The following SLC7A6 variants were observed in gnomAD, a reference collection of about 807,000 sequenced individuals.
The protein encoded by SLC7A6 is solute carrier family 7 member 6.
Under a neutral mutation model 46.6 loss-of-function variants are expected in SLC7A6, and 29 were observed. That is an observed-to-expected ratio of 0.62 (90% CI 0.46 to 0.85). The LOEUF (loss-of-function observed/expected upper bound fraction) is 0.85, where lower values mean the gene tolerates loss of function less well. Among genes scored for constraint, SLC7A6 ranks in the 40% least tolerant of loss-of-function variants. The pLI, the probability that SLC7A6 is intolerant of heterozygous loss-of-function variation, is 0.00. For synonymous variants in SLC7A6, 276 were observed against 257.3 expected (o/e 1.07, Z -0.70); for missense variants, 527 against 647.6 (o/e 0.81, Z 2.02).
intron 3 of SLC7A6, among the ~76,000 whole-genome samples, chr16:68,282,338 G>A (rs775021175): frequency 1.3e-5 from 2 of 152,116 alleles, no homozygotes; most frequent in Non-Finnish European, 2.9e-5. Context: ...GGAGGCCAAG[G>A]CAGGAGGATC....
At chr16:68,280,959 T>C (rs535189956) in intron 3 of SLC7A6, among the ~76,000 whole-genome samples, 1 of 152,280 alleles carries the variant, frequency 6.6e-6, no homozygotes, top group Admixed American at 6.5e-5. Flanking sequence ...GGTCTTGATG[T>C]CCTGACCTCG....
chr16:68,269,040 A>G (rs1027173991), intron 2 of SLC7A6, among the ~76,000 whole-genome samples: 5 of 152,044 alleles, frequency 3.3e-5, no homozygotes, highest in Admixed American at 1.3e-4. Context: ...ATTAAAAAAT[A>G]TTTACCTAGG....
intron 3 of SLC7A6, 74 bp from the exon 4 acceptor site, chr16:68,287,672 C>T: frequency 6.4e-7 from 1 of 1,569,596 alleles, no homozygotes; most frequent in Non-Finnish European, 8.7e-7. Flanking sequence ...AGAAAGAGTG[C>T]TCTCTGTAAA....
chr16:68,278,957 G>T (rs927257999), intron 3 of SLC7A6, among the ~76,000 whole-genome samples: 1 of 151,814 alleles, frequency 6.6e-6, no homozygotes, highest in African/African-American at 2.4e-5. Context: ...CCTCCCTCCC[G>T]GACAGGGCGG....
In SLC7A6 at chr16:68,274,982, A is replaced by G. The variant is rs1342863421; in HGVS notation, c.256A>G (p.Ile86Val). ...TGGGATGTCACTGATTGTGTGGGCC[A>G]TTGGTGGGCTCTTCTCTGTTGTGGG... ...SYGMSLIVWA[I>V]GGLFSVVGAL... is the part of the protein sequence containing the mutation. The change falls in exon 3 of 11, where the codon ATT becomes GTT. Residue 86 changes from isoleucine to valine, a missense_variant. Transcript: ENST00000219343. 1.2e-6 allele frequency: 2 copies of G among 1,614,142 alleles called. No individual in the cohort carries two copies. The highest frequency in any genetic ancestry group is 1.1e-5 in the South Asian group (1 of 91,078).
In SLC7A6 at chr16:68,296,749, C is replaced by G; in HGVS notation, c.1392C>G (p.Phe464Leu). The change falls in exon 10 of 11, where the codon TTC becomes TTG. Residue 464 changes from phenylalanine to leucine, a missense_variant. Phe to Leu is a conservative substitution (Grantham distance 22, BLOSUM62 0). Coordinates refer to ENST00000219343, the MANE Select transcript of SLC7A6 (RefSeq NM_003983.6). ...GIGIALSGVP[F>L]YFMGVYLPES... ...GGATTGCCCTTTCTGGAGTCCCTTT[C>G]TACTTCATGGGTGTTTACCTGCCAG... 6.2e-7 allele frequency: 1 copy of G among 1,614,214 alleles called. No homozygotes were observed. Among genetic ancestry groups the G allele is most frequent in the Non-Finnish European group, 8.5e-7 (1 of 1,180,052 alleles).
intron 2 of SLC7A6, among the ~76,000 whole-genome samples, chr16:68,267,091 T>C (rs912588209): frequency 1.3e-5 from 2 of 151,856 alleles, no homozygotes; most frequent in Admixed American, 1.3e-4. Flanking sequence ...CCCGCCACCA[T>C]GCCCAGCTAA....
At chr16:68,279,098 G>A (rs2042780893) in intron 3 of SLC7A6, among the ~76,000 whole-genome samples, 1 of 152,168 alleles carries the variant, frequency 6.6e-6, no homozygotes, top group Admixed American at 6.5e-5. Flanking sequence ...CACTTTGGGA[G>A]GCTGAGGAGG....
At chr16:68,268,180 T>C (rs1194984708) in intron 2 of SLC7A6, among the ~76,000 whole-genome samples, 7 of 152,216 alleles carry the variant, frequency 4.6e-5, no homozygotes, top group Admixed American at 4.6e-4. Flanking sequence ...TTGAAACAGT[T>C]CGGTCAGAAG....
At chr16:68,296,336 C>T in intron 8 of SLC7A6, 28 bp from the exon 9 acceptor site, 1 of 1,613,018 alleles carries the variant, frequency 6.2e-7, no homozygotes, top group Non-Finnish European at 8.5e-7. Flanking sequence ...TGACGATGCT[C>T]ACCTGTCTCC....
In SLC7A6 at chr16:68,291,767, G is replaced by GTGTA; in HGVS notation, c.1022+109_1022+110insATGT. 5.1e-6 allele frequency: 3 copies of GTGTA among 586,850 alleles called. No homozygotes were observed. The South Asian group carries it at 5.8e-5, about 11-fold the overall frequency. 36.4% of individuals were successfully genotyped at this position (586,850 alleles called of 1,614,324 possible). A position where few individuals can be genotyped will look rare whatever the true frequency, so the allele number is the denominator to read the frequency against. On this transcript the variant is annotated intron_variant, in intron 7 of 10. Transcript: ENST00000219343. ...TCCTTCTCATGGGCATATAGGGTGT[G>GTGTA]TGTGTGTGTGTGTGTGTGTGTGTGT...
chr16:68,281,166 A>G (rs1253430562), intron 3 of SLC7A6, among the ~76,000 whole-genome samples: 1 of 152,166 alleles, frequency 6.6e-6, no homozygotes, highest in African/African-American at 2.4e-5. Flanking sequence ...CTGCACTTTC[A>G]GATCCTGGCT....
In SLC7A6 at chr16:68,277,557, C is replaced by T. The variant is rs560650072; in HGVS notation, c.523+2308C>T. 2.6e-4 allele frequency among the ~76,000 whole-genome samples: 40 copies of T among 151,968 alleles called. No individual in the cohort carries two copies. The Middle Eastern group carries it at 0.01, about 39-fold the overall frequency. ...CGATGTCCTGACCTCGTGATCCGCC[C>T]GCCTCGGCCTCCCAAAGTGCTGGGA... On this transcript the variant is annotated intron_variant, in intron 3 of 10. Coordinates refer to ENST00000219343, the MANE Select transcript of SLC7A6 (RefSeq NM_003983.6).
At chr16:68,287,704 C>G (rs201821071) in intron 3 of SLC7A6, 42 bp from the exon 4 acceptor site, 11 of 1,601,830 alleles carry the variant, frequency 6.9e-6, no homozygotes, top group African/African-American at 1.3e-5. Flanking sequence ...CCCCTGTGCC[C>G]TCAACTCAAG....
In SLC7A6 at chr16:68,301,452, C is replaced by G; in HGVS notation, c.*4124C>G. On this transcript the variant is annotated 3_prime_UTR_variant, in exon 11 of 11. Coordinates refer to ENST00000219343, the MANE Select transcript of SLC7A6 (RefSeq NM_003983.6). Reference sequence around the variant, plus strand: ...GGATTCTAAATGTGATTTTCCTAGGCTACTGCAGGAGCCCCTTCTCTTCTC... The same window carrying G: ...GGATTCTAAATGTGATTTTCCTAGGGTACTGCAGGAGCCCCTTCTCTTCTC... The G allele has an allele frequency of 2.6e-6, 4 of 1,568,088 alleles. No homozygotes were observed. Among genetic ancestry groups the G allele is most frequent in the African/African-American group, 1.4e-5 (1 of 73,980 alleles).
Position 68,299,424 on chromosome 16 carries a change from C to CCT in SLC7A6, c.*2099_*2100dup, listed in dbSNP as rs572957881. 2 of 152,574 alleles carry CCT rather than the reference C, an allele frequency of 1.3e-5. No homozygotes were observed. The highest frequency in any genetic ancestry group is 6.5e-5 in the Admixed American group (1 of 15,272). 9.5% of individuals were successfully genotyped at this position (152,574 alleles called of 1,614,324 possible). A position where few individuals can be genotyped will look rare whatever the true frequency, so the allele number is the denominator to read the frequency against. On this transcript the variant is annotated 3_prime_UTR_variant, in exon 11 of 11. Transcript: ENST00000219343. The stretch of plus-strand genomic sequence containing the variant: ...TTTTGGATGGTGACAGCATTTTTCC[C>CCT]CTCTGTGCTGGATACAGACTTCTCC...
At position 68,301,500 on chromosome 16, in the gene SLC7A6, G is replaced by A. The variant is rs1027151040; in HGVS notation, c.*4172G>A. 1.2e-5 allele frequency: 12 copies of A among 1,004,794 alleles called. No individual in the cohort carries two copies. Among genetic ancestry groups the A allele is most frequent in the Admixed American group, 5.0e-5 (2 of 39,798 alleles). 62.2% of individuals were successfully genotyped at this position (1,004,794 alleles called of 1,614,324 possible). On this transcript the variant is annotated 3_prime_UTR_variant, in exon 11 of 11. Transcript: ENST00000219343. The stretch of plus-strand genomic sequence containing the variant: ...CTCAGAAAGGTCTGTTTTTGTTCCC[G>A]ATTGTAATGCAAAATCCTTGCTCAA...
intron 3 of SLC7A6, among the ~76,000 whole-genome samples, chr16:68,275,979 T>C (rs965864124): frequency 1.3e-5 from 2 of 152,256 alleles, no homozygotes; most frequent in African/African-American, 4.8e-5. Context: ...TTCCCAGATT[T>C]TTATCTTAAA....
At chr16:68,280,679 TGCCTCA>T (rs1403658751) in intron 3 of SLC7A6, among the ~76,000 whole-genome samples, 1 of 152,070 alleles carries the variant, frequency 6.6e-6, no homozygotes, top group African/African-American at 2.4e-5. Flanking sequence ...GTGATGCTCC[TGCCTCA>T]GCCTCTCCAA....
Sources: gnomAD v4.1 joint callset for allele counts (sites outside exome capture counted in the v4.1 genomes callset) on GRCh38, gnomAD v4.1.1 for gene constraint, MANE v1.5 for transcripts, NCBI Gene and HGNC (gene_info 2026-07-23, HGNC 2026-07-21) for gene names.